The following OPCML variants were observed in gnomAD, a reference collection of about 807,000 sequenced individuals.
OPCML encodes opioid binding protein/cell adhesion molecule like, also known as opioid-binding protein/cell adhesion molecule.
OPCML carries 13 observed loss-of-function variants against 37.8 expected under a neutral mutation model. The observed-to-expected ratio is 0.34, with a 90% CI of 0.22 to 0.55. OPCML has a LOEUF of 0.55. Among genes scored for constraint, OPCML ranks in the 20% least tolerant of loss-of-function variants. The pLI is 0.91. For missense variants in OPCML, 341 were observed against 435.6 expected, an observed-to-expected ratio of 0.78 and a Z score of 1.93; for synonymous variants, 176 against 168.8, an observed-to-expected ratio of 1.04 and a Z score of -0.33.
chr11:132,559,551 C>CT (rs1355869765), intron 3 of OPCML, among the ~76,000 whole-genome samples: 1 of 152,030 alleles, frequency 6.6e-6, no homozygotes, highest in African/African-American at 2.4e-5. Context: ...ACTTCTTTTT[C>CT]TTTTTTCTCT....
At chr11:132,937,313 C>A (rs894316823) in intron 2 of OPCML, among the ~76,000 whole-genome samples, 31 of 152,234 alleles carry the variant, frequency 2.0e-4, no homozygotes, top group African/African-American at 6.7e-4. Context: ...GAAAGACAGA[C>A]CTAAACCAAG....
At chr11:133,095,283 T>G (rs1302198358) in intron 1 of OPCML, among the ~76,000 whole-genome samples, 3 of 142,926 alleles carry the variant, frequency 2.1e-5, no homozygotes, top group African/African-American at 7.9e-5. Flanking sequence ...AAATGTTTTT[T>G]TTTTTTTTTT....
chr11:133,380,781 G>A (rs1270728186), intron 1 of OPCML, among the ~76,000 whole-genome samples: 1 of 152,046 alleles, frequency 6.6e-6, no homozygotes, highest in East Asian at 1.9e-4. Flanking sequence ...GTCTCCCCTG[G>A]TTCTTGCTAT....
At chr11:132,479,220 AG>A (rs1399485394) in intron 4 of OPCML, among the ~76,000 whole-genome samples, 2 of 152,222 alleles carry the variant, frequency 1.3e-5, no homozygotes, top group Non-Finnish European at 2.9e-5. Flanking sequence ...AGGAAGTGCA[AG>A]GGGTCAGGGA....
At chr11:133,410,633 GT>G (rs1824112392) in intron 1 of OPCML, among the ~76,000 whole-genome samples, 1 of 8,230 alleles carries the variant, frequency 1.2e-4, no homozygotes, top group African/African-American at 3.1e-4. Flanking sequence ...AAGAAAAAAA[GT>G]AAAAAAAAAA....
At chr11:132,969,805 A>G (rs1946299593) in intron 1 of OPCML, among the ~76,000 whole-genome samples, 2 of 152,210 alleles carry the variant, frequency 1.3e-5, no homozygotes. Context: ...CTAATTGATA[A>G]AGCATTGTCA....
intron 2 of OPCML, among the ~76,000 whole-genome samples, chr11:132,797,842 T>C (rs901630126): frequency 2.6e-5 from 4 of 152,194 alleles, no homozygotes; most frequent in African/African-American, 9.7e-5. Flanking sequence ...TTCATGATGT[T>C]GATGGCTGCT....
rs796803013 is a variant in OPCML, at chr11:133,174,658, A to G, written c.62-231648T>C. Among the ~76,000 whole-genome samples the G allele has an allele frequency of 6.8e-6, 1 of 146,680 alleles. No individual in the cohort carries two copies. Among genetic ancestry groups the G allele is most frequent in the South Asian group, 2.2e-4 (1 of 4,586 alleles). On this transcript the variant is annotated intron_variant, in intron 1 of 7. Transcript: ENST00000524381. The surrounding 1 kb of genome is among the most constrained non-coding windows in gnomAD (Gnocchi z 4.6). ...TTTAGTGAAAAAAAAAAAAAAAAAA[A>G]GCAGGGGGAAGTTAAACACCTGAGT...
At chr11:132,431,211 T>C (rs940466527) in intron 7 of OPCML, among the ~76,000 whole-genome samples, 5 of 152,364 alleles carry the variant, frequency 3.3e-5, no homozygotes, top group African/African-American at 1.2e-4. Flanking sequence ...TGGAGACCTG[T>C]TCCTTGCCTT....
chr11:133,288,588 C>T (rs1016820725), intron 1 of OPCML, among the ~76,000 whole-genome samples: 2 of 152,170 alleles, frequency 1.3e-5, no homozygotes, highest in Admixed American at 6.5e-5. Context: ...CTGTGGTTCT[C>T]AAACTGGGCT....
In OPCML at chr11:133,177,430, T is replaced by G. The variant is rs144834224; in HGVS notation, c.62-234420A>C. Among the ~76,000 whole-genome samples, 1 of 152,340 alleles carries G rather than the reference T, an allele frequency of 6.6e-6. No homozygotes were observed. The highest frequency in any genetic ancestry group is 1.9e-4 in the East Asian group (1 of 5,178). On this transcript the variant is annotated intron_variant, in intron 1 of 7. Transcript: ENST00000524381. This position sits in a 1 kb window ranked among gnomAD's most constrained non-coding sequence, Gnocchi z 5.0. ...TAATTTATGATTTTGGACAGGTTACTTGAACTTTATTAAGCTGAGCTAAAT... is the reference window on the plus strand; with the variant it reads ...TAATTTATGATTTTGGACAGGTTACGTGAACTTTATTAAGCTGAGCTAAAT...
chr11:133,463,177 C>CAAA (rs531526248), intron 1 of OPCML, among the ~76,000 whole-genome samples: 6 of 93,042 alleles, frequency 6.4e-5, no homozygotes, highest in African/African-American at 2.3e-4. Flanking sequence ...GTTAAAAAAA[C>CAAA]AAAAAAAAAA....
intron 2 of OPCML, among the ~76,000 whole-genome samples, chr11:132,896,336 T>A (rs1702005025): frequency 6.6e-6 from 1 of 152,140 alleles, no homozygotes; most frequent in African/African-American, 2.4e-5. Flanking sequence ...CCTGAAGAGC[T>A]CTGTGATTGC....
At chr11:132,728,421 AT>A (rs1194927580) in intron 2 of OPCML, among the ~76,000 whole-genome samples, 6 of 152,218 alleles carry the variant, frequency 3.9e-5, no homozygotes, top group African/African-American at 1.4e-4. Flanking sequence ...GAGACAAAAG[AT>A]GATGGAGCTA....
chr11:133,152,428 T>C (rs1949999177), intron 1 of OPCML, among the ~76,000 whole-genome samples: 1 of 152,214 alleles, frequency 6.6e-6, no homozygotes, highest in Non-Finnish European at 1.5e-5. Flanking sequence ...CATCAAAACA[T>C]GCCATTAGTT....
rs777434052 is a variant in OPCML at position 133,039,950 on chromosome 11, A to G, written c.62-96940T>C. ...AGGCTGAGGCAGGAGAATTACTTGAACCCGGGAGGCGGAGGTTGCAGTGAG... is the reference window on the plus strand; with the variant it reads ...AGGCTGAGGCAGGAGAATTACTTGAGCCCGGGAGGCGGAGGTTGCAGTGAG... On this transcript the variant is annotated intron_variant, in intron 1 of 7. Coordinates refer to ENST00000524381, the MANE Select transcript of OPCML (RefSeq NM_001012393.5). 1.1e-3 allele frequency among the ~76,000 whole-genome samples: 173 copies of G among 151,380 alleles called. 1 individual carries two copies. The highest frequency in any genetic ancestry group is 2.1e-3 in the Non-Finnish European group (143 of 67,862).
intron 2 of OPCML, among the ~76,000 whole-genome samples, chr11:132,824,765 C>T (rs772430847): frequency 1.3e-4 from 20 of 152,274 alleles, no homozygotes; most frequent in Middle Eastern, 3.4e-3. Flanking sequence ...ATTATAACAA[C>T]AACAAAAAAA....
intron 3 of OPCML, among the ~76,000 whole-genome samples, chr11:132,574,120 C>T (rs1425725409): frequency 6.7e-6 from 1 of 149,748 alleles, no homozygotes; most frequent in Admixed American, 6.6e-5. Context: ...GTCATTTTTT[C>T]CCTTAAGTAG....
intron 2 of OPCML, among the ~76,000 whole-genome samples, chr11:132,820,513 T>G (rs1939918871): frequency 6.6e-6 from 1 of 152,150 alleles, no homozygotes; most frequent in South Asian, 2.1e-4. Context: ...TGTGTATGTG[T>G]GTGTGTGTGT....
Sources: gnomAD v4.1 joint callset for allele counts (sites outside exome capture counted in the v4.1 genomes callset) on GRCh38, gnomAD v4.1.1 for gene constraint, Gnocchi (gnomAD v3.1) non-coding constraint, MANE v1.5 for transcripts, NCBI Gene and HGNC (gene_info 2026-07-23, HGNC 2026-07-21) for gene names.